Variants in BAHCC1 observed in about 807,000 individuals in gnomAD.
BAHCC1 encodes the protein BAH and coiled-coil domain-containing protein 1.
In BAHCC1, 43 loss-of-function variants were observed where a neutral mutation model predicts 88.2. That is an observed-to-expected ratio of 0.49 (90% CI 0.38 to 0.63). The LOEUF (loss-of-function observed/expected upper bound fraction) is 0.63. Among genes scored for constraint, BAHCC1 ranks in the 20% least tolerant of loss-of-function variants. The pLI, the probability that BAHCC1 is intolerant of heterozygous loss-of-function variation, is 0.00. For missense variants in BAHCC1, 3,023 were observed against 1,654.8 expected, an observed-to-expected ratio of 1.83 and a Z score of -14.34; for synonymous variants, 1,510 against 745.5, an observed-to-expected ratio of 2.03 and a Z score of -16.71.
At position 81,429,564 on chromosome 17, in the gene BAHCC1, C is replaced by T. The variant is rs1038619057; in HGVS notation, c.358+2585C>T. 4.6e-5 allele frequency among the ~76,000 whole-genome samples: 7 copies of T among 152,040 alleles called. No homozygotes were observed. The East Asian group carries it at 1.4e-3, about 30-fold the overall frequency. On this transcript the variant is annotated intron_variant, in intron 3 of 27. Transcript: ENST00000675386. The stretch of plus-strand genomic sequence containing the variant: ...GGGTGCCAGCTGGCTCCCCGTGCGC[C>T]GGGCCTGTTTCTCTGCCGTGTGTGT...
chr17:81,445,631 A>G lies in BAHCC1; in HGVS notation c.3113A>G (p.Lys1038Arg). ...TCCCGGGTGCGCAGCGCCGAGGAAA[A>G]GAATGGGGAGGGTCAGCAGTCCACG... is the stretch of plus-strand genomic sequence containing the variant. ...PGSRVRSAEE[K>R]NGEGQQSTAD... The change falls in exon 10 of 28, where the codon AAG (lysine) becomes AGG (arginine). Residue 1038 changes from lysine (K) to arginine (R), a missense_variant. Lys to Arg is a conservative substitution (Grantham distance 26). Transcript: ENST00000675386. 1 of 734,272 alleles carries G rather than the reference A, an allele frequency of 1.4e-6. No individual in the cohort carries two copies. Among genetic ancestry groups the G allele is most frequent in the Non-Finnish European group, 2.5e-6 (1 of 395,388 alleles). The allele number at this position is 734,272 out of a possible 1,614,324, so 45.5% of individuals were successfully genotyped here.
chr17:81,453,120 G>A (rs1052125875), intron 14 of BAHCC1, among the ~76,000 whole-genome samples: 18 of 152,188 alleles, frequency 1.2e-4, no homozygotes, highest in Admixed American at 6.5e-5. Flanking sequence ...GCCCAGCCAC[G>A]CCGGCTCTGC....
At chr17:81,430,053 G>A (rs1457967755) in intron 3 of BAHCC1, among the ~76,000 whole-genome samples, 3 of 152,202 alleles carry the variant, frequency 2.0e-5, no homozygotes, top group Non-Finnish European at 4.4e-5. Context: ...TCCCACCAGC[G>A]GTGGGCCTCT....
At chr17:81,421,296 G>A (rs1343599538) in intron 2 of BAHCC1, among the ~76,000 whole-genome samples, 2 of 152,260 alleles carry the variant, frequency 1.3e-5, no homozygotes, top group African/African-American at 4.8e-5. Context: ...CGGCTCCCAG[G>A]CAGCTGAGGC....
Position 81,457,549 on chromosome 17 carries a change from C to G in BAHCC1, c.4998C>G (p.Ala1666=). The change falls in exon 17 of 28, where the codon GCC becomes GCG. Residue 1666 remains alanine, a synonymous_variant. Transcript: ENST00000675386. ...PSPSSVVKME[A]NQKAKKKKER... ...CCTCCTCTGTGGTCAAGATGGAGGC[C>G]AACCAGAAGGCCAAGAAGAAGAAGG... is the stretch of plus-strand genomic sequence containing the variant. The G allele has an allele frequency of 1.3e-6, 1 of 751,234 alleles. No homozygotes were observed. The highest frequency in any genetic ancestry group is 2.5e-6 in the Non-Finnish European group (1 of 404,068). 46.5% of individuals were successfully genotyped at this position (751,234 alleles called of 1,614,324 possible).
Position 81,399,479 on chromosome 17 carries a change from C to A in BAHCC1, c.-206-55C>A. ...GGGTGAGCGGGCGGGGCGGGGACCC[C>A]CGGGCGAGCCGAGCCCCCCAGTCAC... On this transcript the variant is annotated intron_variant, in intron 1 of 27. Transcript: ENST00000675386. This position sits in a 1 kb window ranked among gnomAD's most constrained non-coding sequence, Gnocchi z 4.5. The A allele has an allele frequency of 4.6e-6, 1 of 219,402 alleles. No homozygotes were observed. The highest frequency in any genetic ancestry group is 9.9e-6 in the Non-Finnish European group (1 of 101,156). 13.6% of individuals were successfully genotyped at this position (219,402 alleles called of 1,614,324 possible).
chr17:81,403,012 T>A (rs1358917777), intron 2 of BAHCC1: 5 of 152,248 alleles, frequency 3.3e-5, no homozygotes, highest in Admixed American at 6.5e-5. Context: ...TTGTCTCTAA[T>A]ACAGATGGTC....
chr17:81,428,938 C>T (rs2064230489), intron 3 of BAHCC1, among the ~76,000 whole-genome samples: 2 of 152,360 alleles, frequency 1.3e-5, no homozygotes, highest in South Asian at 4.1e-4. Flanking sequence ...GGCGTCTGGG[C>T]CTCTGAGCCC....
At position 81,411,964 on chromosome 17, in the gene BAHCC1, G is replaced by A. The variant is rs2063960581; in HGVS notation, c.178+12047G>A. Among the ~76,000 whole-genome samples, 1 of 152,272 alleles carries A rather than the reference G, an allele frequency of 6.6e-6. No individual in the cohort carries two copies. The highest frequency in any genetic ancestry group is 1.5e-5 in the Non-Finnish European group (1 of 68,054). On this transcript the variant is annotated intron_variant, in intron 2 of 27. Transcript: ENST00000675386. The surrounding 1 kb of genome is among the most constrained non-coding windows in gnomAD (Gnocchi z 6.2). ...CATTTGCATTCAGCGAGACACACAGGCGCACAGGGACTCAAGTGTGGCCAC... is the reference window on the plus strand; with the variant it reads ...CATTTGCATTCAGCGAGACACACAGACGCACAGGGACTCAAGTGTGGCCAC...
intron 11 of BAHCC1, 134 bp from the exon 12 acceptor site, chr17:81,451,534 C>T (rs925759810): frequency 1.6e-6 from 1 of 607,254 alleles, no homozygotes; most frequent in Admixed American, 2.7e-5. Flanking sequence ...GCCCACCTCA[C>T]TCTTCCCGGT....
chr17:81,422,777 C>T (rs2064130268), intron 2 of BAHCC1: 1 of 442,076 alleles, frequency 2.3e-6, no homozygotes, highest in Non-Finnish European at 4.5e-6. Context: ...AACTTTTGGA[C>T]TTAGTTGCTT....
At chr17:81,430,177 G>C (rs898550728) in intron 3 of BAHCC1, among the ~76,000 whole-genome samples, 7 of 152,114 alleles carry the variant, frequency 4.6e-5, no homozygotes, top group Non-Finnish European at 7.4e-5. Context: ...GGCACACACA[G>C]CTGGCCCTAT....
chr17:81,396,773 C>T (rs1244073677), intron 1 of BAHCC1: 2 of 152,276 alleles, frequency 1.3e-5, no homozygotes, highest in South Asian at 2.1e-4. Context: ...CAGGGTCACG[C>T]CCTGCCTTCC....
intron 2 of BAHCC1, among the ~76,000 whole-genome samples, chr17:81,405,800 C>T (rs1454422106): frequency 6.6e-6 from 1 of 152,234 alleles, no homozygotes; most frequent in African/African-American, 2.4e-5. Flanking sequence ...TGGGACCTGT[C>T]CTCTGTCCTC....
Position 81,426,913 on chromosome 17 carries a change from C to T in BAHCC1, c.292C>T (p.Pro98Ser), listed in dbSNP as rs1013216771. 53 of 398,990 alleles carry T rather than the reference C, an allele frequency of 1.3e-4. No homozygotes were observed. Among genetic ancestry groups the T allele is most frequent in the Middle Eastern group, 6.3e-4 (1 of 1,588 alleles). The allele number at this position is 398,990 out of a possible 1,614,324, so 24.7% of individuals were successfully genotyped here. Residue 98 changes from proline (P) to serine (S), a missense_variant, in exon 3 of 28, where the codon CCT becomes TCT. Coordinates refer to ENST00000675386, the MANE Select transcript of BAHCC1 (RefSeq NM_001377448.1). The stretch of plus-strand genomic sequence containing the variant: ...CCCCAGCGGCCCCAGCTCCTCCCCC[C>T]CTGAGCAGGCCTACCGTGGCTCCCA... ...THPSGPSSSP[P>S]EQAYRGSHPT...
chr17:81,424,716 G>A (rs962779003), intron 2 of BAHCC1, among the ~76,000 whole-genome samples: 1 of 151,588 alleles, frequency 6.6e-6, no homozygotes, highest in Non-Finnish European at 1.5e-5. Context: ...TGATAATGTG[G>A]TTGGTGTTGT....
In BAHCC1 at chr17:81,462,963, A is replaced by G; in HGVS notation, c.7607A>G (p.Gln2536Arg). Residue 2536 changes from glutamine (Q) to arginine (R), a missense_variant, in exon 27 of 28, where the codon CAG becomes CGG. By Grantham distance (43) the Gln-to-Arg change is conservative. Coordinates refer to ENST00000675386, the MANE Select transcript of BAHCC1 (RefSeq NM_001377448.1). The part of the protein sequence containing the change: ...HPEETKLGKR[Q>R]CDGKNALYQS... ...GAGGAGACCAAGCTGGGCAAGAGGC[A>G]GTGCGACGGCAAGGTGAGGCCCGGA... 1.3e-6 allele frequency: 1 copy of G among 780,782 alleles called. No individual in the cohort carries two copies. Among genetic ancestry groups the G allele is most frequent in the Non-Finnish European group, 2.4e-6 (1 of 418,692 alleles). 48.4% of individuals were successfully genotyped at this position (780,782 alleles called of 1,614,324 possible).
At chr17:81,455,779 G>C (rs554342343) in intron 15 of BAHCC1, among the ~76,000 whole-genome samples, 1 of 151,684 alleles carries the variant, frequency 6.6e-6, no homozygotes, top group Admixed American at 6.6e-5. Flanking sequence ...TTCTTGGTGT[G>C]GGGGGGCTCC....
chr17:81,437,797 C>T (rs1555651944), intron 3 of BAHCC1, among the ~76,000 whole-genome samples: 1 of 152,248 alleles, frequency 6.6e-6, no homozygotes, highest in Non-Finnish European at 1.5e-5. Flanking sequence ...GTCCCTTCCC[C>T]ACCCTGTGCA....
Sources: allele counts gnomAD v4.1 joint callset (sites outside exome capture counted in the v4.1 genomes callset), GRCh38; gene constraint gnomAD v4.1.1; non-coding constraint Gnocchi (gnomAD v3.1); transcripts MANE v1.5; gene names NCBI Gene and HGNC (gene_info 2026-07-23, HGNC 2026-07-21).